The following ZSCAN22 variants were observed in gnomAD, a reference collection of about 807,000 sequenced individuals.
The protein encoded by ZSCAN22 is zinc finger and SCAN domain containing 22.
A neutral mutation model predicts 12.4 loss-of-function variants in ZSCAN22; 7 were observed. The observed-to-expected ratio is 0.57, with a 90% CI of 0.32 to 1.06. The LOEUF (loss-of-function observed/expected upper bound fraction) is 1.06, where lower values mean the gene tolerates loss of function less well. ZSCAN22 is among the 50% of genes least tolerant of loss of function. The probability of loss-of-function intolerance (pLI) is 0.04; values close to 1 mark genes in which losing one functional copy is unlikely to be tolerated. For synonymous variants in ZSCAN22, 243 were observed against 255.9 expected, an observed-to-expected ratio of 0.95 and a Z score of 0.48; for missense variants, 576 against 631.7, an observed-to-expected ratio of 0.91 and a Z score of 0.94.
In ZSCAN22 at chr19:58,332,577, G is replaced by A. The variant is rs2051740711; in HGVS notation, c.-51-2175G>A. Among the ~76,000 whole-genome samples the A allele has an allele frequency of 1.3e-5, 2 of 151,968 alleles. 1 individual carries two copies. The highest frequency in any genetic ancestry group is 4.1e-4 in the South Asian group (2 of 4,826). ...GGTGTGAGCCACCGTGCCCTGCCGTGTCTTTCTTCTTTTACTTAGCATCAT... is the reference window on the plus strand; with the variant it reads ...GGTGTGAGCCACCGTGCCCTGCCGTATCTTTCTTCTTTTACTTAGCATCAT... On this transcript the variant is annotated intron_variant, in intron 1 of 2. Coordinates refer to ENST00000329665, the MANE Select transcript of ZSCAN22 (RefSeq NM_181846.3).
chr19:58,338,347 G>A lies in ZSCAN22; in HGVS notation c.497G>A (p.Gly166Glu). The A allele has an allele frequency of 6.2e-7, 1 of 1,614,166 alleles. No homozygotes were observed. Among genetic ancestry groups the A allele is most frequent in the South Asian group, 1.1e-5 (1 of 91,084 alleles). The change falls in exon 3 of 3, where the codon GGA becomes GAA. Residue 166 changes from glycine to glutamate, a missense_variant. Coordinates refer to ENST00000329665, the MANE Select transcript of ZSCAN22 (RefSeq NM_181846.3). This position sits in a 1 kb window ranked among gnomAD's most constrained non-coding sequence, Gnocchi z 5.4. ...EPSNVTETLM[G>E]GVSLGPAFVK... ...TCAAATGTCACTGAGACCCTCATGG[G>A]AGGTGTTTCCCTTGGACCCGCCTTT... is the stretch of plus-strand genomic sequence containing the variant.
chr19:58,342,174 A>C lies in ZSCAN22; in HGVS notation c.*2848A>C, dbSNP rs528757514. ...CCAGTCTACCAAATAATTTATATAC[A>C]TCTCAGTCCTCACACAACCATCCCT... On this transcript the variant is annotated 3_prime_UTR_variant, in exon 3 of 3. Coordinates refer to ENST00000329665, the MANE Select transcript of ZSCAN22 (RefSeq NM_181846.3). The C allele has an allele frequency of 2.0e-5, 3 of 152,326 alleles. No individual in the cohort carries two copies. The highest frequency in any genetic ancestry group is 1.3e-4 in the Admixed American group (2 of 15,292). The allele number at this position is 152,326 out of a possible 1,614,324, so 9.4% of individuals were successfully genotyped here.
intron 1 of ZSCAN22, among the ~76,000 whole-genome samples, chr19:58,330,688 C>T (rs1181648543): frequency 6.6e-6 from 1 of 152,210 alleles, no homozygotes; most frequent in Non-Finnish European, 1.5e-5. Flanking sequence ...CAGGGTGGAG[C>T]TAAGGCTTGA....
In ZSCAN22 at chr19:58,339,059, C is replaced by A. The variant is rs375096775; in HGVS notation, c.1209C>A (p.Thr403=). Residue 403 remains threonine (T), a synonymous_variant, in exon 3 of 3, where the codon ACC becomes ACA. Coordinates refer to ENST00000329665, the MANE Select transcript of ZSCAN22 (RefSeq NM_181846.3). The surrounding 1 kb of genome is among the most constrained non-coding windows in gnomAD (Gnocchi z 5.6). ...TGACTCAACACCAGCGCATCCACAC[C>A]GGGGAGAAGCCCTACAAGTGTGACG... ...THLTQHQRIH[T]GEKPYKCDAC... is the part of the protein sequence containing the mutation. The A allele has an allele frequency of 6.2e-7, 1 of 1,613,884 alleles. No homozygotes were observed. The highest frequency in any genetic ancestry group is 2.2e-5 in the East Asian group (1 of 44,870).
rs138271492 is a variant in ZSCAN22 at position 58,334,940 on chromosome 19, G to C, written c.138G>C (p.Glu46Asp). Residue 46 changes from glutamate to aspartate, a missense_variant, in exon 2 of 3, where the codon GAG becomes GAC. Glu to Asp is a conservative substitution (Grantham distance 45, BLOSUM62 2). Coordinates refer to ENST00000329665, the MANE Select transcript of ZSCAN22 (RefSeq NM_181846.3). ...GCCATGACCACATTGCTCACTCTGA[G>C]GCTGCACGCCTGCGCTTCCGGCACT... is the stretch of plus-strand genomic sequence containing the variant. ...ESSHDHIAHS[E>D]AARLRFRHFR... 2.0e-4 allele frequency: 323 copies of C among 1,614,036 alleles called. 2 individuals are homozygous for C. Among genetic ancestry groups the C allele is most frequent in the Non-Finnish European group, 2.6e-4 (304 of 1,180,048 alleles).
At position 58,338,337 on chromosome 19, in the gene ZSCAN22, A is replaced by G. The variant is rs138800648; in HGVS notation, c.487A>G (p.Thr163Ala). 7.3e-5 allele frequency: 118 copies of G among 1,613,990 alleles called. No homozygotes were observed. The Middle Eastern group carries it at 1.3e-3, about 18-fold the overall frequency. ...GTCAGAGCCATCAAATGTCACTGAGACCCTCATGGGAGGTGTTTCCCTTGG... is the reference window on the plus strand; with the variant it reads ...GTCAGAGCCATCAAATGTCACTGAGGCCCTCATGGGAGGTGTTTCCCTTGG... ...GESEPSNVTE[T>A]LMGGVSLGPA... The change falls in exon 3 of 3, where the codon ACC becomes GCC. Residue 163 changes from threonine (T) to alanine (A), a missense_variant. Transcript: ENST00000329665. This position sits in a 1 kb window ranked among gnomAD's most constrained non-coding sequence, Gnocchi z 5.4.
chr19:58,339,397 TC>T lies in ZSCAN22; in HGVS notation c.*73del. 2.2e-6 allele frequency: 3 copies of T among 1,387,992 alleles called. No individual in the cohort carries two copies. Among genetic ancestry groups the T allele is most frequent in the Non-Finnish European group, 2.9e-6 (3 of 1,029,644 alleles). 86.0% of individuals were successfully genotyped at this position (1,387,992 alleles called of 1,614,324 possible). A position where few individuals can be genotyped will look rare whatever the true frequency, so the allele number is the denominator to read the frequency against. On this transcript the variant is annotated 3_prime_UTR_variant, in exon 3 of 3. Transcript: ENST00000329665. This position sits in a 1 kb window ranked among gnomAD's most constrained non-coding sequence, Gnocchi z 5.6. Reference sequence around the variant, plus strand: ...TCGAGGTCTAAGAGAAACGCTGAGTTCCTGAAGAGCCACAGACAGGGTGGGT... The same window carrying T: ...TCGAGGTCTAAGAGAAACGCTGAGTTCTGAAGAGCCACAGACAGGGTGGGT...
chr19:58,327,501 G>A (rs1184184128), intron 1 of ZSCAN22, among the ~76,000 whole-genome samples: 1 of 152,156 alleles, frequency 6.6e-6, no homozygotes, highest in Admixed American at 6.5e-5. Flanking sequence ...TGGAGCGGGC[G>A]GACAGATAAC....
At chr19:58,332,976 A>G (rs1227860204) in intron 1 of ZSCAN22, among the ~76,000 whole-genome samples, 2 of 152,214 alleles carry the variant, frequency 1.3e-5, no homozygotes, top group Admixed American at 6.5e-5. Flanking sequence ...TTATCTGATT[A>G]TAGGCATCCC....
At chr19:58,327,464 T>C (rs1054820999) in intron 1 of ZSCAN22, among the ~76,000 whole-genome samples, 2 of 152,076 alleles carry the variant, frequency 1.3e-5, no homozygotes, top group African/African-American at 4.8e-5. Flanking sequence ...GATGGACTGA[T>C]TGACCGGGTG....
At position 58,338,356 on chromosome 19, in the gene ZSCAN22, C is replaced by A. The variant is rs1814379955; in HGVS notation, c.506C>A (p.Ser169Tyr). The stretch of plus-strand genomic sequence containing the variant: ...ACTGAGACCCTCATGGGAGGTGTTT[C>A]CCTTGGACCCGCCTTTGTCAAGGCA... ...NVTETLMGGV[S>Y]LGPAFVKACE... Residue 169 changes from serine to tyrosine, a missense_variant, in exon 3 of 3, where the codon TCC becomes TAC. Transcript: ENST00000329665. This position sits in a 1 kb window ranked among gnomAD's most constrained non-coding sequence, Gnocchi z 5.4. 1.2e-6 allele frequency: 2 copies of A among 1,614,122 alleles called. No individual in the cohort carries two copies. Among genetic ancestry groups the A allele is most frequent in the Non-Finnish European group, 1.7e-6 (2 of 1,180,008 alleles).
chr19:58,334,606 G>A (rs1430934285), intron 1 of ZSCAN22, 146 bp from the exon 2 acceptor site: 1 of 609,080 alleles, frequency 1.6e-6, no homozygotes, highest in Non-Finnish European at 2.8e-6. Context: ...AGCACCAAGT[G>A]GGTGCTGTCC....
rs543722766 is a variant in ZSCAN22 at position 58,329,190 on chromosome 19, GCCAGAGGCCA to G, written c.-52+2084_-52+2093del. On this transcript the variant is annotated intron_variant, in intron 1 of 2. Transcript: ENST00000329665. This position sits in a 1 kb window ranked among gnomAD's most constrained non-coding sequence, Gnocchi z 4.1. ...GGCGAAGGGGCTTAAACGCAGCTTG[GCCAGAGGCCA>G]CCAGAGGTCACCAGCGGTCACCAAA... is the stretch of plus-strand genomic sequence containing the variant. Among the ~76,000 whole-genome samples, 45 of 149,226 alleles carry G rather than the reference GCCAGAGGCCA, an allele frequency of 3.0e-4. No homozygotes were observed. The highest frequency in any genetic ancestry group is 9.9e-4 in the African/African-American group (39 of 39,290).
At position 58,339,408 on chromosome 19, in the gene ZSCAN22, C is replaced by T. The variant is rs1307487095; in HGVS notation, c.*82C>T. On this transcript the variant is annotated 3_prime_UTR_variant, in exon 3 of 3. Transcript: ENST00000329665. The surrounding 1 kb of genome is among the most constrained non-coding windows in gnomAD (Gnocchi z 5.6). The stretch of plus-strand genomic sequence containing the variant: ...GAGAAACGCTGAGTTCCTGAAGAGC[C>T]ACAGACAGGGTGGGTGATTGATGAG... 1 of 1,307,596 alleles carries T rather than the reference C, an allele frequency of 7.6e-7. No individual in the cohort carries two copies. The highest frequency in any genetic ancestry group is 1.0e-6 in the Non-Finnish European group (1 of 962,016). 81.0% of individuals were successfully genotyped at this position (1,307,596 alleles called of 1,614,324 possible).
rs2051871471 is a variant in ZSCAN22, at chr19:58,341,239, C to A, written c.*1913C>A. ...TCAATAAAATGTGACTGTATTGAGT[C>A]ATTTTCTAGGGCCCCAGATCCCCTG... On this transcript the variant is annotated 3_prime_UTR_variant, in exon 3 of 3. Transcript: ENST00000329665. 1 of 152,162 alleles carries A rather than the reference C, an allele frequency of 6.6e-6. No homozygotes were observed. The allele number at this position is 152,162 out of a possible 1,614,324, so 9.4% of individuals were successfully genotyped here. A position where few individuals can be genotyped will look rare whatever the true frequency, so the allele number is the denominator to read the frequency against.
chr19:58,327,223 A>T (rs368368569), intron 1 of ZSCAN22, 109 bp downstream of exon 1: 2 of 152,542 alleles, frequency 1.3e-5, no homozygotes, highest in African/African-American at 4.8e-5. Flanking sequence ...GGTACCGCCC[A>T]GCGGGTAGAG....
At position 58,329,142 on chromosome 19, in the gene ZSCAN22, G is replaced by T. The variant is rs551607527; in HGVS notation, c.-52+2028G>T. Reference sequence around the variant, plus strand: ...CAAGGGGCTTAGAAAGGCCACAAGAGACCCAGGAGAACTTTACAGTGCGGC... The same window carrying T: ...CAAGGGGCTTAGAAAGGCCACAAGATACCCAGGAGAACTTTACAGTGCGGC... On this transcript the variant is annotated intron_variant, in intron 1 of 2. Transcript: ENST00000329665. The surrounding 1 kb of genome is among the most constrained non-coding windows in gnomAD (Gnocchi z 4.1). 1.3e-5 allele frequency among the ~76,000 whole-genome samples: 2 copies of T among 152,182 alleles called. No homozygotes were observed. Among genetic ancestry groups the T allele is most frequent in the African/African-American group, 4.8e-5 (2 of 41,434 alleles).
At chr19:58,334,639 C>CTTT (rs1489706758) in intron 1 of ZSCAN22, 113 bp from the exon 2 acceptor site, 2 of 775,258 alleles carry the variant, frequency 2.6e-6, no homozygotes, top group Non-Finnish European at 2.0e-6. Flanking sequence ...TTGTCTATGT[C>CTTT]TTTGTGAGAG....
intron 2 of ZSCAN22, among the ~76,000 whole-genome samples, chr19:58,337,900 A>G (rs2051816175): frequency 6.6e-6 from 1 of 152,106 alleles, no homozygotes; most frequent in Non-Finnish European, 1.5e-5. Flanking sequence ...GCAGGGGTGC[A>G]TGTGCTCAGG....
Sources: allele counts gnomAD v4.1 joint callset (sites outside exome capture counted in the v4.1 genomes callset), GRCh38; gene constraint gnomAD v4.1.1; non-coding constraint Gnocchi (gnomAD v3.1); transcripts MANE v1.5; gene names NCBI Gene and HGNC (gene_info 2026-07-23, HGNC 2026-07-21).